SETD9: variants seen among roughly 807,000 people sequenced by gnomAD.
SETD9 encodes SET domain-containing protein 9.
Under a neutral mutation model 36.4 loss-of-function variants are expected in SETD9, and 37 were observed. The ratio of observed to expected loss-of-function variants is 1.02; its 90% CI spans 0.78 to 1.34. The LOEUF is 1.34. Ranked by LOEUF, SETD9 falls within the 40% of genes most tolerant of loss-of-function variation. The pLI, the probability that SETD9 is intolerant of heterozygous loss-of-function variation, is 0.00. For synonymous variants in SETD9, 128 were observed against 132.9 expected, an observed-to-expected ratio of 0.96 and a Z score of 0.26; for missense variants, 323 against 353.2, an observed-to-expected ratio of 0.91 and a Z score of 0.69.
Position 56,916,872 on chromosome 5 carries a change from T to C in SETD9, c.870T>C (p.Leu290=). Residue 290 remains leucine (L), a synonymous_variant, in exon 6 of 6, where the codon CTT becomes CTC. Coordinates refer to ENST00000285947, the MANE Select transcript of SETD9 (RefSeq NM_153706.4). ...GGGACATCAATCAAGGAGAAGAGCT[T>C]TTTTCAAACTACTACACAATTGTCA... ...ALRDINQGEE[L]FSNYYTIVS 6.2e-7 allele frequency: 1 copy of C among 1,607,682 alleles called. No homozygotes were observed. Among genetic ancestry groups the C allele is most frequent in the East Asian group, 2.2e-5 (1 of 44,624 alleles).
downstream of SETD9, among the ~76,000 whole-genome samples, chr5:56,926,628 A>G (rs1264319446): frequency 6.6e-6 from 1 of 151,626 alleles, no homozygotes; most frequent in Admixed American, 6.6e-5. Context: ...CTCATTCATT[A>G]CTGCTGGAAA....
chr5:56,918,835 G>T (rs1391599173), downstream of SETD9, among the ~76,000 whole-genome samples: 1 of 152,184 alleles, frequency 6.6e-6, no homozygotes, highest in African/African-American at 2.4e-5. Context: ...ACTACATAAA[G>T]CTCTGGTCAG....
downstream of SETD9, among the ~76,000 whole-genome samples, chr5:56,925,883 G>C (rs1749950254): frequency 6.6e-6 from 1 of 151,992 alleles, no homozygotes; most frequent in African/African-American, 2.4e-5. Flanking sequence ...ATGGTATTGG[G>C]GGGGTGGGGA....
At position 56,909,684 on chromosome 5, in the gene SETD9, G is replaced by A. The variant is rs946251842; in HGVS notation, c.39G>A (p.Trp13Ter). ...GRLLRGLWQR[W>*]RRYKYRFVPW... is the part of the protein sequence containing the mutation. ...TGCTGCGGGGCCTGTGGCAGCGATG[G>A]CGCCGTTACAAGTACCGCTTCGTTC... Residue 13 changes from tryptophan (W) to a stop codon, truncating the protein, a stop_gained, in exon 1 of 6, where the codon TGG becomes TGA. Transcript: ENST00000285947. LOFTEE classifies it high-confidence loss of function. The A allele has an allele frequency of 1.9e-6, 3 of 1,609,998 alleles. No homozygotes were observed. The highest frequency in any genetic ancestry group is 2.5e-6 in the Non-Finnish European group (3 of 1,178,704).
chr5:56,916,519 C>A (rs1749436309), intron 5 of SETD9, among the ~76,000 whole-genome samples: 1 of 152,148 alleles, frequency 6.6e-6, no homozygotes, highest in South Asian at 2.1e-4. Flanking sequence ...ACTATAATGT[C>A]ATTTTAAAAT....
chr5:56,925,821 T>C (rs1005893030), downstream of SETD9, among the ~76,000 whole-genome samples: 6 of 151,698 alleles, frequency 4.0e-5, no homozygotes, highest in African/African-American at 1.5e-4. Context: ...ATCAAAGTAC[T>C]GACAGTCCCC....
At position 56,914,983 on chromosome 5, in the gene SETD9, A is replaced by G. The variant is rs1749354671; in HGVS notation, c.812+17A>G. 1 of 1,552,398 alleles carries G rather than the reference A, an allele frequency of 6.4e-7. No individual in the cohort carries two copies. Among genetic ancestry groups the G allele is most frequent in the Admixed American group, 1.7e-5 (1 of 59,120 alleles). On this transcript the variant is annotated intron_variant, in intron 5 of 5. Coordinates refer to ENST00000285947, the MANE Select transcript of SETD9 (RefSeq NM_153706.4). ...CAAACAAAGGTTCGTTTGCTAAAAGAGCATTTCATATCTTCTGCTTATGCT... is the reference window on the plus strand; with the variant it reads ...CAAACAAAGGTTCGTTTGCTAAAAGGGCATTTCATATCTTCTGCTTATGCT...
intron 3 of SETD9, 92 bp from the exon 4 acceptor site, chr5:56,913,781 AG>A: frequency 3.0e-6 from 2 of 663,254 alleles, no homozygotes; most frequent in South Asian, 2.3e-5. Context: ...TTTTTTTTTA[AG>A]AAAAAATGCA....
downstream of SETD9, among the ~76,000 whole-genome samples, chr5:56,917,556 CCTCT>C (rs1173002729): frequency 6.6e-6 from 1 of 152,154 alleles, no homozygotes; most frequent in Non-Finnish European, 1.5e-5. Context: ...ATGTTCCTAG[CCTCT>C]CTCTCCACCC....
Position 56,917,061 on chromosome 5 carries a change from A to G in SETD9, c.*159A>G. ...TTGTTGATATTATATTTATGTTCCAATTTCATGATAAAAGCTACTTGCTTC... is the reference window on the plus strand; with the variant it reads ...TTGTTGATATTATATTTATGTTCCAGTTTCATGATAAAAGCTACTTGCTTC... On this transcript the variant is annotated 3_prime_UTR_variant, in exon 6 of 6. Coordinates refer to ENST00000285947, the MANE Select transcript of SETD9 (RefSeq NM_153706.4). 7.7e-7 allele frequency: 1 copy of G among 1,306,594 alleles called. No individual in the cohort carries two copies. Among genetic ancestry groups the G allele is most frequent in the Non-Finnish European group, 9.7e-7 (1 of 1,032,848 alleles). The allele number at this position is 1,306,594 out of a possible 1,614,324, so 80.9% of individuals were successfully genotyped here. A position where few individuals can be genotyped will look rare whatever the true frequency, so the allele number is the denominator to read the frequency against.
At chr5:56,916,338 GCCAAGGTCACA>G (rs1289753981) in intron 5 of SETD9, among the ~76,000 whole-genome samples, 3 of 152,082 alleles carry the variant, frequency 2.0e-5, no homozygotes, top group Non-Finnish European at 4.4e-5. Flanking sequence ...GTTGCAGTGA[GCCAAGGTCACA>G]CCACTGCACA....
chr5:56,928,628 AG>A (rs1307089825), downstream of SETD9: 1 of 555,108 alleles, frequency 1.8e-6, no homozygotes. Context: ...TGAGCAAATT[AG>A]TCATGTTAGA....
At chr5:56,927,839 T>C (rs184500745), downstream of SETD9, 1 of 152,310 alleles carries the variant, frequency 6.6e-6, no homozygotes, top group African/African-American at 2.4e-5. Flanking sequence ...GGTAGTTTCA[T>C]TGCCCTGAAA....
rs36017815 is a variant in SETD9, at chr5:56,923,192, T to A, written c.813-2141T>A. ...GGCACTGATGAAACCATTGGTCTCG[T>A]TGGCAGAGAGACTGCCAAAGTCAGC... On this transcript the variant is annotated intron_variant, in intron 5 of 5. Transcript: ENST00000628593. 3.7e-6 allele frequency: 6 copies of A among 1,613,820 alleles called. No individual in the cohort carries two copies. In the East Asian group the frequency reaches 1.1e-4, roughly 30 times the overall value.
At chr5:56,910,332 G>C in intron 1 of SETD9, 2 of 1,304,298 alleles carry the variant, frequency 1.5e-6, no homozygotes, top group South Asian at 1.2e-5. Flanking sequence ...GCAGTAGCTC[G>C]CGCGTTAAGA....
At chr5:56,918,720 C>A (rs1243480822), downstream of SETD9, among the ~76,000 whole-genome samples, 2 of 152,202 alleles carry the variant, frequency 1.3e-5, no homozygotes, top group Non-Finnish European at 2.9e-5. Context: ...AGTCAAGTAA[C>A]CAAAGCAGAG....
Position 56,917,125 on chromosome 5 carries a change from T to C in SETD9, c.*223T>C. ...ATTTGTAATGCAATTCCAAGTTTAA[T>C]TGGTTTTCACCTAAATACACAATAG... On this transcript the variant is annotated 3_prime_UTR_variant, in exon 6 of 6. Transcript: ENST00000285947. The C allele has an allele frequency of 1.6e-6, 2 of 1,231,814 alleles. No individual in the cohort carries two copies. The highest frequency in any genetic ancestry group is 2.2e-5 in the South Asian group (1 of 44,622). The allele number at this position is 1,231,814 out of a possible 1,614,324, so 76.3% of individuals were successfully genotyped here. A position where few individuals can be genotyped will look rare whatever the true frequency, so the allele number is the denominator to read the frequency against.
intron 5 of SETD9, chr5:56,923,552 G>A (rs143125181): frequency 3.9e-5 from 63 of 1,613,918 alleles, no homozygotes; most frequent in Non-Finnish European, 5.3e-5. Flanking sequence ...CACATCTGTG[G>A]GGTCGCAGAC....
downstream of SETD9, among the ~76,000 whole-genome samples, chr5:56,918,131 T>TGAA (rs962150521): frequency 2.0e-5 from 3 of 152,196 alleles, no homozygotes; most frequent in African/African-American, 4.8e-5. Context: ...GAGTAAATGC[T>TGAA]GAAGTCCTTC....
Sources: allele counts gnomAD v4.1 joint callset (sites outside exome capture counted in the v4.1 genomes callset), GRCh38; gene constraint gnomAD v4.1.1; transcripts MANE v1.5; gene names NCBI Gene and HGNC (gene_info 2026-07-23, HGNC 2026-07-21).